The following UNC5D variants were observed in gnomAD, a reference collection of about 807,000 sequenced individuals.
The protein encoded by UNC5D is netrin receptor UNC5D.
Under a neutral mutation model 105.4 loss-of-function variants are expected in UNC5D, and 39 were observed. The observed-to-expected ratio is 0.37, with a 90% CI of 0.29 to 0.48. The LOEUF (loss-of-function observed/expected upper bound fraction) is 0.48. Among genes scored for constraint, UNC5D ranks in the 20% least tolerant of loss-of-function variants. The probability of loss-of-function intolerance (pLI) is 0.98; values close to 1 mark genes in which losing one functional copy is unlikely to be tolerated. For missense variants in UNC5D, 991 were observed against 1,202.4 expected (o/e 0.82, Z 2.60); for synonymous variants, 452 against 450.4 (o/e 1.00, Z -0.04).
Position 35,564,686 on chromosome 8 carries a change from A to G in UNC5D, c.323-3412A>G, listed in dbSNP as rs114135731. Among the ~76,000 whole-genome samples, 1,018 of 152,198 alleles carry G rather than the reference A, an allele frequency of 6.7e-3. 13 individuals are homozygous for G. The highest frequency in any genetic ancestry group is 0.023 in the African/African-American group (955 of 41,534). ...CTAGTGAAGTCTGGGCTTTTAATGTACCTGTCACCTAAATAGTGTACATTG... is the reference window on the plus strand; with the variant it reads ...CTAGTGAAGTCTGGGCTTTTAATGTGCCTGTCACCTAAATAGTGTACATTG... On this transcript the variant is annotated intron_variant, in intron 2 of 16. Transcript: ENST00000404895.
intron 1 of UNC5D, among the ~76,000 whole-genome samples, chr8:35,306,267 G>A (rs1482085898): frequency 6.6e-6 from 1 of 151,826 alleles, no homozygotes; most frequent in Non-Finnish European, 1.5e-5. Flanking sequence ...GCTTCAATAT[G>A]TTCTCACCTA....
intron 1 of UNC5D, among the ~76,000 whole-genome samples, chr8:35,373,485 C>T (rs549484327): frequency 6.6e-6 from 1 of 152,298 alleles, no homozygotes; most frequent in African/African-American, 2.4e-5. Context: ...AGTTAATAAA[C>T]ATCACATAAT....
At chr8:35,374,006 A>AT in intron 1 of UNC5D, among the ~76,000 whole-genome samples, 2 of 152,210 alleles carry the variant, frequency 1.3e-5, no homozygotes, top group East Asian at 1.9e-4. Flanking sequence ...TTAAAAGGCT[A>AT]TTTTTTATAT....
chr8:35,779,237 A>G (rs1400217011), intron 16 of UNC5D, among the ~76,000 whole-genome samples: 1 of 152,158 alleles, frequency 6.6e-6, no homozygotes, highest in Non-Finnish European at 1.5e-5. Flanking sequence ...GGTGGTGGGG[A>G]GCAATGCAGA....
Position 35,326,050 on chromosome 8 carries a change from G to C in UNC5D, c.103+90163G>C, listed in dbSNP as rs113722225. The stretch of plus-strand genomic sequence containing the variant: ...AAGAGATTAAAAATGGGACCAGTGA[G>C]TAGAAACTTCAGTGATGATTTAGAC... On this transcript the variant is annotated intron_variant, in intron 1 of 16. Coordinates refer to ENST00000404895, the MANE Select transcript of UNC5D (RefSeq NM_080872.4). Among the ~76,000 whole-genome samples, 105 of 152,318 alleles carry C rather than the reference G, an allele frequency of 6.9e-4. 4 individuals are homozygous for C. The highest frequency in any genetic ancestry group is 2.4e-3 in the African/African-American group (98 of 41,582).
intron 1 of UNC5D, among the ~76,000 whole-genome samples, chr8:35,338,404 T>C (rs889822207): frequency 6.6e-6 from 1 of 151,640 alleles, no homozygotes; most frequent in Non-Finnish European, 1.5e-5. Context: ...TTTTCTGGGG[T>C]GTGTGTGTGT....
chr8:35,623,543 C>A (rs58875926), intron 4 of UNC5D, among the ~76,000 whole-genome samples: 5,847 of 152,118 alleles, frequency 0.038, 423 homozygotes, highest in African/African-American at 0.13. Flanking sequence ...CATTGCATGG[C>A]CTCTCTCCCT....
intron 1 of UNC5D, among the ~76,000 whole-genome samples, chr8:35,476,032 A>G (rs1298921014): frequency 6.6e-6 from 1 of 152,216 alleles, no homozygotes; most frequent in Non-Finnish European, 1.5e-5. Context: ...CAGTGACTCT[A>G]TCGTATATTG....
At chr8:35,724,682 G>A (rs1250191747) in intron 9 of UNC5D, among the ~76,000 whole-genome samples, 2 of 152,166 alleles carry the variant, frequency 1.3e-5, no homozygotes, top group African/African-American at 2.4e-5. Context: ...TCTTCTAAGC[G>A]TAGCCAAAAA....
intron 1 of UNC5D, among the ~76,000 whole-genome samples, chr8:35,300,372 G>A (rs768562585): frequency 4.9e-5 from 7 of 144,200 alleles, no homozygotes; most frequent in Non-Finnish European, 9.0e-5. Flanking sequence ...ACTTGAACCC[G>A]GGAGGTGGAG....
chr8:35,655,684 T>C (rs970999475), intron 4 of UNC5D, among the ~76,000 whole-genome samples: 1 of 152,200 alleles, frequency 6.6e-6, no homozygotes, highest in African/African-American at 2.4e-5. Context: ...ATGTATGGTA[T>C]AGACAGCAAA....
At chr8:35,741,377 C>T (rs986978314) in intron 11 of UNC5D, among the ~76,000 whole-genome samples, 7 of 152,044 alleles carry the variant, frequency 4.6e-5, no homozygotes, top group Non-Finnish European at 7.4e-5. Flanking sequence ...CAGATAATAG[C>T]GTGTGGGTGA....
chr8:35,676,997 T>C (rs1284398671), intron 4 of UNC5D, among the ~76,000 whole-genome samples: 5 of 152,156 alleles, frequency 3.3e-5, no homozygotes, highest in Non-Finnish European at 7.3e-5. Context: ...TCTCTGGCTT[T>C]TCATGAAAAA....
chr8:35,427,403 G>T (rs1727756508), intron 1 of UNC5D, among the ~76,000 whole-genome samples: 1 of 152,142 alleles, frequency 6.6e-6, no homozygotes, highest in Admixed American at 6.6e-5. Context: ...AGAACAATGG[G>T]TCCCGAGATT....
At chr8:35,779,675 C>G (rs1179504715) in intron 16 of UNC5D, among the ~76,000 whole-genome samples, 1 of 152,146 alleles carries the variant, frequency 6.6e-6, no homozygotes, top group Non-Finnish European at 1.5e-5. Context: ...AGGCTGGTCT[C>G]AAACTCCTGG....
At chr8:35,374,716 A>G (rs1802600089) in intron 1 of UNC5D, among the ~76,000 whole-genome samples, 2 of 152,200 alleles carry the variant, frequency 1.3e-5, no homozygotes, top group South Asian at 2.1e-4. Context: ...TATAGCCAGG[A>G]TCTTCATTGG....
chr8:35,281,699 A>C (rs950989985), intron 1 of UNC5D, among the ~76,000 whole-genome samples: 5 of 152,124 alleles, frequency 3.3e-5, no homozygotes, highest in Non-Finnish European at 7.4e-5. Context: ...TTCTCCTGTG[A>C]GCATGCCTTA....
intron 15 of UNC5D, among the ~76,000 whole-genome samples, chr8:35,769,788 C>G (rs1054017082): frequency 2.0e-5 from 3 of 151,976 alleles, no homozygotes; most frequent in African/African-American, 2.4e-5. Flanking sequence ...CACATGAAAC[C>G]CCGTCTCTAC....
chr8:35,440,325 A>G (rs1014706294), intron 1 of UNC5D, among the ~76,000 whole-genome samples: 5 of 152,016 alleles, frequency 3.3e-5, no homozygotes, highest in African/African-American at 1.2e-4. Context: ...AATCACTGTT[A>G]GCGAGTGCAT....
Sources: allele counts gnomAD v4.1 joint callset (sites outside exome capture counted in the v4.1 genomes callset), GRCh38; gene constraint gnomAD v4.1.1; transcripts MANE v1.5; gene names NCBI Gene and HGNC (gene_info 2026-07-23, HGNC 2026-07-21).